Variants in ARHGEF28 observed in about 807,000 individuals in gnomAD.
The protein encoded by ARHGEF28 is Rho guanine nucleotide exchange factor 28, also known as 190 kDa guanine nucleotide exchange factor.
Under a neutral mutation model 206.6 loss-of-function variants are expected in ARHGEF28, and 152 were observed. The observed-to-expected ratio is 0.74, with a 90% CI of 0.64 to 0.84. The LOEUF (loss-of-function observed/expected upper bound fraction) is 0.84. Ranked by LOEUF, ARHGEF28 falls within the 40% of genes least tolerant of loss-of-function variation. The pLI is 0.00. For missense variants in ARHGEF28, 2,028 were observed against 2,073.2 expected (o/e 0.98, Z 0.42); for synonymous variants, 763 against 776.4 (o/e 0.98, Z 0.29).
At chr5:73,905,239 ATGCT>A (rs1762482604) in intron 33 of ARHGEF28, 1 of 151,792 alleles carries the variant, frequency 6.6e-6, no homozygotes, top group Non-Finnish European at 1.5e-5. Flanking sequence ...TGAGAATCTA[ATGCT>A]TGATGATCTG....
intron 35 of ARHGEF28, among the ~76,000 whole-genome samples, chr5:73,914,967 C>A (rs949024005): frequency 6.6e-6 from 1 of 152,102 alleles, no homozygotes; most frequent in Admixed American, 6.6e-5. Flanking sequence ...TCTTGAACTC[C>A]TGGACTGAAG....
chr5:73,772,309 C>T (rs565497820), intron 4 of ARHGEF28, among the ~76,000 whole-genome samples: 1 of 152,140 alleles, frequency 6.6e-6, no homozygotes, highest in Admixed American at 6.5e-5. Flanking sequence ...CTCCACAGGG[C>T]CTTAGAGGTG....
chr5:73,699,356 A>T (rs907664414), intron 2 of ARHGEF28, among the ~76,000 whole-genome samples: 8 of 151,890 alleles, frequency 5.3e-5, no homozygotes, highest in African/African-American at 1.7e-4. Flanking sequence ...GCAGATCAAT[A>T]ATAAGGGGAA....
At chr5:73,839,849 T>C (rs560782654) in intron 10 of ARHGEF28, among the ~76,000 whole-genome samples, 2 of 152,356 alleles carry the variant, frequency 1.3e-5, no homozygotes, top group East Asian at 3.9e-4. Flanking sequence ...TTGGTGTTGC[T>C]TTTTGTGAGA....
At chr5:73,681,093 T>TC (rs1400894603) in intron 1 of ARHGEF28, among the ~76,000 whole-genome samples, 2 of 56,808 alleles carry the variant, frequency 3.5e-5, no homozygotes, top group Non-Finnish European at 9.0e-5. Flanking sequence ...AATGCATTTT[T>TC]TTTTTTTTTT....
chr5:73,801,439 T>A (rs897688473), intron 9 of ARHGEF28, among the ~76,000 whole-genome samples: 20 of 151,432 alleles, frequency 1.3e-4, no homozygotes, highest in African/African-American at 4.1e-4. Flanking sequence ...AGAGCGAGAC[T>A]CCATCTCAAA....
rs62357749 is a variant in ARHGEF28 at position 73,825,498 on chromosome 5, A to C, written c.1025-6840A>C. 3.9e-5 allele frequency among the ~76,000 whole-genome samples: 6 copies of C among 152,080 alleles called. No homozygotes were observed. In the South Asian group the frequency reaches 1.2e-3, roughly 32 times the overall value. On this transcript the variant is annotated intron_variant, in intron 9 of 35. Coordinates refer to ENST00000513042, the MANE Select transcript of ARHGEF28 (RefSeq NM_001177693.2). ...CAGGCAACGGGAGGCACTGTAGGTC[A>C]TGGAAAACTCTGGCCTTCACTCAGA... is the stretch of plus-strand genomic sequence containing the variant.
chr5:73,859,233 A>G (rs1759237099), intron 16 of ARHGEF28, among the ~76,000 whole-genome samples: 4 of 152,188 alleles, frequency 2.6e-5, no homozygotes, highest in African/African-American at 9.7e-5. Context: ...TACCTTGTAC[A>G]TTGCAGGGGC....
chr5:73,790,168 G>A (rs1411168329), intron 7 of ARHGEF28, among the ~76,000 whole-genome samples: 3 of 150,986 alleles, frequency 2.0e-5, no homozygotes, highest in Non-Finnish European at 4.4e-5. Flanking sequence ...CTTTTGCCCT[G>A]CAACTTTTTT....
intron 29 of ARHGEF28, among the ~76,000 whole-genome samples, chr5:73,895,045 A>G (rs1255720192): frequency 6.6e-6 from 1 of 152,174 alleles, no homozygotes; most frequent in Non-Finnish European, 1.5e-5. Context: ...AGTGCAGGCG[A>G]TGAGTCCAGG....
chr5:73,725,340 A>C (rs1750206844), intron 2 of ARHGEF28, among the ~76,000 whole-genome samples: 1 of 152,224 alleles, frequency 6.6e-6, no homozygotes, highest in Non-Finnish European at 1.5e-5. Flanking sequence ...TATTATATGA[A>C]TTCATTTAGG....
chr5:73,842,427 G>A (rs1244300568), intron 11 of ARHGEF28, among the ~76,000 whole-genome samples: 5 of 152,182 alleles, frequency 3.3e-5, no homozygotes, highest in African/African-American at 1.2e-4. Flanking sequence ...ATTTGAGGTT[G>A]TAAAACTTTA....
At chr5:73,641,473 T>TA (rs200370267) in intron 1 of ARHGEF28, among the ~76,000 whole-genome samples, 1 of 151,880 alleles carries the variant, frequency 6.6e-6, no homozygotes, top group Non-Finnish European at 1.5e-5. Flanking sequence ...ATAACACTCT[T>TA]AAAAAAATTA....
intron 24 of ARHGEF28, among the ~76,000 whole-genome samples, chr5:73,885,098 A>G (rs920934197): frequency 2.0e-5 from 3 of 152,176 alleles, no homozygotes; most frequent in African/African-American, 7.2e-5. Context: ...ATAAAATATA[A>G]TTTTGAATGT....
At chr5:73,666,350 T>A (rs776438489) in intron 1 of ARHGEF28, among the ~76,000 whole-genome samples, 1 of 152,224 alleles carries the variant, frequency 6.6e-6, no homozygotes, top group Non-Finnish European at 1.5e-5. Context: ...GTTGGAGGCT[T>A]GTGCCTGCAG....
intron 35 of ARHGEF28, among the ~76,000 whole-genome samples, chr5:73,935,254 C>G (rs1273842690): frequency 6.6e-6 from 1 of 152,122 alleles, no homozygotes; most frequent in African/African-American, 2.4e-5. Context: ...GTTATACATG[C>G]CACATACATA....
intron 9 of ARHGEF28, among the ~76,000 whole-genome samples, chr5:73,826,054 G>A (rs2112547603): frequency 6.6e-6 from 1 of 152,276 alleles, no homozygotes; most frequent in African/African-American, 2.4e-5. Context: ...ACATCCAGAA[G>A]ATGAGGAGGA....
At chr5:73,704,516 C>T (rs116663782) in intron 2 of ARHGEF28, among the ~76,000 whole-genome samples, 2,282 of 152,162 alleles carry the variant, frequency 0.015, 58 homozygotes, top group African/African-American at 0.052. Flanking sequence ...CCTCTGTCTC[C>T]CATGTTGAAG....
At chr5:73,777,044 T>C (rs941218784) in intron 6 of ARHGEF28, among the ~76,000 whole-genome samples, 3 of 152,344 alleles carry the variant, frequency 2.0e-5, no homozygotes, top group Non-Finnish European at 4.4e-5. Flanking sequence ...TTCTGGATTA[T>C]CATATTGCTC....
Sources: gnomAD v4.1 joint callset for allele counts (sites outside exome capture counted in the v4.1 genomes callset) on GRCh38, gnomAD v4.1.1 for gene constraint, MANE v1.5 for transcripts, NCBI Gene and HGNC (gene_info 2026-07-23, HGNC 2026-07-21) for gene names.